The following AATF variants were observed in gnomAD, a reference collection of about 807,000 sequenced individuals.
AATF encodes the protein protein AATF.
Under a neutral mutation model 63.7 loss-of-function variants are expected in AATF, and 48 were observed. That is an observed-to-expected ratio of 0.75 (90% CI 0.60 to 0.96). AATF has a LOEUF of 0.96. AATF is among the 40% of genes least tolerant of loss of function. The pLI is 0.00. For missense variants in AATF, 639 were observed against 685.7 expected (o/e 0.93, Z 0.76); for synonymous variants, 258 against 247.7 (o/e 1.04, Z -0.39).
chr17:36,982,631 C>T (rs1391307189), intron 4 of AATF, among the ~76,000 whole-genome samples: 1 of 152,106 alleles, frequency 6.6e-6, no homozygotes, highest in Non-Finnish European at 1.5e-5. Context: ...GGATTACAGG[C>T]GTGAGCCACC....
At chr17:37,033,505 C>T in intron 11 of AATF, among the ~76,000 whole-genome samples, 1 of 152,064 alleles carries the variant, frequency 6.6e-6, no homozygotes, top group East Asian at 1.9e-4. Flanking sequence ...TACTTGAATC[C>T]CTTGAGGTGT....
chr17:37,018,252 G>A (rs775044609), intron 8 of AATF, among the ~76,000 whole-genome samples: 37 of 152,228 alleles, frequency 2.4e-4, no homozygotes, highest in Admixed American at 7.2e-4. Flanking sequence ...GAAAGGTACA[G>A]ATGTAGATTT....
chr17:37,044,003 C>G (rs1431499930), intron 11 of AATF, among the ~76,000 whole-genome samples: 3 of 152,194 alleles, frequency 2.0e-5, no homozygotes, highest in Admixed American at 1.3e-4. Flanking sequence ...GCAATACAGA[C>G]ATAGCCATTT....
intron 4 of AATF, among the ~76,000 whole-genome samples, chr17:36,973,068 A>T (rs1052960841): frequency 3.9e-5 from 6 of 152,162 alleles, no homozygotes; most frequent in Admixed American, 1.3e-4. Context: ...GCAAGATGCA[A>T]GTTTCTCAGT....
intron 2 of AATF, 128 bp downstream of exon 2, chr17:36,950,533 C>T: frequency 1.0e-6 from 1 of 984,588 alleles, no homozygotes; most frequent in South Asian, 1.8e-5. Flanking sequence ...GAGTTTGGCT[C>T]TTGTTGCCCA....
intron 8 of AATF, among the ~76,000 whole-genome samples, chr17:37,002,435 A>G (rs1200620016): frequency 6.6e-6 from 1 of 151,926 alleles, no homozygotes; most frequent in African/African-American, 2.4e-5. Context: ...TGGGAGGCCA[A>G]GGCGGGCAGA....
intron 8 of AATF, among the ~76,000 whole-genome samples, chr17:37,008,079 C>T (rs2071355822): frequency 6.6e-6 from 1 of 152,138 alleles, no homozygotes; most frequent in South Asian, 2.1e-4. Context: ...GTTTGAAAAT[C>T]AGTAGAAAGG....
At chr17:37,001,891 A>G (rs192454095) in intron 8 of AATF, among the ~76,000 whole-genome samples, 95 of 152,254 alleles carry the variant, frequency 6.2e-4, no homozygotes, top group Admixed American at 1.6e-3. Flanking sequence ...TTATTTGCAG[A>G]TGATATGATC....
intron 8 of AATF, among the ~76,000 whole-genome samples, chr17:36,994,696 T>C (rs1046324683): frequency 6.6e-6 from 1 of 152,256 alleles, no homozygotes; most frequent in African/African-American, 2.4e-5. Flanking sequence ...GTCATGATCC[T>C]ATCTGCTACT....
chr17:36,961,674 AT>A (rs563768134), intron 4 of AATF, among the ~76,000 whole-genome samples: 7,840 of 143,768 alleles, frequency 0.055, 539 homozygotes, highest in African/African-American at 0.17. Context: ...TTGTACATTG[AT>A]TTTTTTTTTT....
intron 11 of AATF, among the ~76,000 whole-genome samples, chr17:37,044,778 C>T (rs2071675396): frequency 6.6e-6 from 1 of 152,090 alleles, no homozygotes; most frequent in Admixed American, 6.6e-5. Flanking sequence ...CTGAAGTGCT[C>T]CAGTGAGCAT....
chr17:37,000,413 C>G (rs1051339338), intron 8 of AATF, among the ~76,000 whole-genome samples: 1 of 152,120 alleles, frequency 6.6e-6, no homozygotes, highest in African/African-American at 2.4e-5. Context: ...ATCAGGAGCT[C>G]GGTTTTGGTT....
chr17:37,010,690 G>C (rs1199184959), intron 8 of AATF, among the ~76,000 whole-genome samples: 2 of 152,160 alleles, frequency 1.3e-5, no homozygotes, highest in Non-Finnish European at 2.9e-5. Context: ...GTTAAGAAAG[G>C]TTTCCCTCAG....
chr17:37,051,400 A>G (rs987682475), intron 11 of AATF, among the ~76,000 whole-genome samples: 1 of 152,182 alleles, frequency 6.6e-6, no homozygotes, highest in Non-Finnish European at 1.5e-5. Flanking sequence ...GATTATTTGC[A>G]GGTTTAATAT....
chr17:37,002,874 A>C (rs1284596692), intron 8 of AATF, among the ~76,000 whole-genome samples: 1 of 151,642 alleles, frequency 6.6e-6, no homozygotes, highest in Non-Finnish European at 1.5e-5. Flanking sequence ...TAAAGCTTCA[A>C]AACAATCCCT....
At chr17:37,049,243 G>T (rs529769148) in intron 11 of AATF, among the ~76,000 whole-genome samples, 1 of 152,194 alleles carries the variant, frequency 6.6e-6, no homozygotes, top group African/African-American at 2.4e-5. Flanking sequence ...AAAAGCATTC[G>T]CCTTGTTCTA....
chr17:36,951,659 A>T (rs2142199417), intron 2 of AATF, among the ~76,000 whole-genome samples: 1 of 152,336 alleles, frequency 6.6e-6, no homozygotes, highest in South Asian at 2.1e-4. Context: ...ATTCAAATGT[A>T]GGCTGTCTGA....
In AATF at chr17:36,952,567, C is replaced by A. The variant is rs2070863768; in HGVS notation, c.284-319C>A. On this transcript the variant is annotated intron_variant, in intron 2 of 11. Transcript: ENST00000619387. ...TTAGAGATTAGCTTAAATTCACTTGCCCCACAGTTAAAATTTCTCACTCTT... is the reference window on the plus strand; with the variant it reads ...TTAGAGATTAGCTTAAATTCACTTGACCCACAGTTAAAATTTCTCACTCTT... Among the ~76,000 whole-genome samples the A allele has an allele frequency of 6.6e-5, 10 of 152,326 alleles. 1 individual carries two copies. In the South Asian group the frequency reaches 2.1e-3, roughly 32 times the overall value.
chr17:36,974,975 A>G (rs2071068885), intron 4 of AATF, among the ~76,000 whole-genome samples: 1 of 152,194 alleles, frequency 6.6e-6, no homozygotes. Context: ...ATTGCCTTAA[A>G]AAATAATAAA....
Sources: allele counts gnomAD v4.1 joint callset (sites outside exome capture counted in the v4.1 genomes callset), GRCh38; gene constraint gnomAD v4.1.1; transcripts MANE v1.5; gene names NCBI Gene and HGNC (gene_info 2026-07-23, HGNC 2026-07-21).